Variants in TEP1 observed in about 807,000 individuals in gnomAD.
TEP1 encodes the protein telomerase protein component 1.
Under a neutral mutation model 306.3 loss-of-function variants are expected in TEP1, and 241 were observed. The ratio of observed to expected loss-of-function variants is 0.79; its 90% confidence interval spans 0.71 to 0.88. The LOEUF (loss-of-function observed/expected upper bound fraction) is 0.88. Among genes scored for constraint, TEP1 ranks in the 40% least tolerant of loss-of-function variants. TEP1 has a pLI of 0.00. For synonymous variants in TEP1, 1,289 were observed against 1,305.5 expected, an observed-to-expected ratio of 0.99 and a Z score of 0.27; for missense variants, 3,051 against 3,276.1, an observed-to-expected ratio of 0.93 and a Z score of 1.68.
Position 20,381,894 on chromosome 14 carries a change from T to G in TEP1, c.4424+19A>C. Reference sequence around the variant, plus strand: ...AAGGCACAGAGAGGTCAGCGGGAGCTCTGCTGGGGCACCTGTACCTGCGCA... The same window carrying G: ...AAGGCACAGAGAGGTCAGCGGGAGCGCTGCTGGGGCACCTGTACCTGCGCA... On this transcript the variant is annotated intron_variant, in intron 30 of 54. Coordinates refer to ENST00000262715, the MANE Select transcript of TEP1 (RefSeq NM_007110.5). The surrounding 1 kb of genome is among the most constrained non-coding windows in gnomAD (Gnocchi z 4.0). The G allele has an allele frequency of 6.2e-7, 1 of 1,612,772 alleles. No homozygotes were observed.
intron 1 of TEP1, among the ~76,000 whole-genome samples, chr14:20,408,865 G>A (rs961611976): frequency 2.0e-5 from 3 of 151,372 alleles, no homozygotes; most frequent in Non-Finnish European, 2.9e-5. Context: ...AATGGCTGGA[G>A]AGGAAGGGAC....
intron 1 of TEP1, among the ~76,000 whole-genome samples, chr14:20,411,653 T>A (rs1594384827): frequency 1.3e-5 from 2 of 151,752 alleles, no homozygotes; most frequent in East Asian, 3.9e-4. Context: ...CTTTTGAGAA[T>A]CTGGTAAAAG....
At chr14:20,389,529 T>G in intron 16 of TEP1, 81 bp downstream of exon 16, 1 of 1,569,880 alleles carries the variant, frequency 6.4e-7, no homozygotes, top group Non-Finnish European at 8.7e-7. Flanking sequence ...CAAGTGGGAG[T>G]GTCCTATGCT....
At chr14:20,392,899 G>GAAAAGA (rs1475555968) in intron 12 of TEP1, among the ~76,000 whole-genome samples, 6 of 152,006 alleles carry the variant, frequency 3.9e-5, no homozygotes, top group African/African-American at 1.4e-4. Flanking sequence ...ATCTTCAAAA[G>GAAAAGA]AAAAGAAAAA....
At chr14:20,369,034 G>A (rs1322680047) in intron 53 of TEP1, 132 bp from the exon 54 acceptor site, 1 of 694,412 alleles carries the variant, frequency 1.4e-6, no homozygotes, top group African/African-American at 1.8e-5. Context: ...TGAGACAAGA[G>A]TCTCGCTCTG....
rs1876575231 is a variant in TEP1, at chr14:20,381,875, C to T, written c.4424+38G>A. The T allele has an allele frequency of 1.9e-6, 3 of 1,608,736 alleles. No homozygotes were observed. Among genetic ancestry groups the T allele is most frequent in the African/African-American group, 2.7e-5 (2 of 74,950 alleles). On this transcript the variant is annotated intron_variant, in intron 30 of 54. Transcript: ENST00000262715. The surrounding 1 kb of genome is among the most constrained non-coding windows in gnomAD (Gnocchi z 4.0). ...GCCCCGGCTCAAAGAAGGGAAGGCA[C>T]AGAGAGGTCAGCGGGAGCTCTGCTG...
rs758583554 is a variant in TEP1 at position 20,381,725 on chromosome 14, G to A, written c.4425-39C>T. Reference sequence around the variant, plus strand: ...AGGAAGGGAGAGAGAAGAAGGAAGAGGCCTGTCAGTGAGCTTCCTGGCACA... The same window carrying A: ...AGGAAGGGAGAGAGAAGAAGGAAGAAGCCTGTCAGTGAGCTTCCTGGCACA... On this transcript the variant is annotated intron_variant, in intron 30 of 54. Transcript: ENST00000262715. This position sits in a 1 kb window ranked among gnomAD's most constrained non-coding sequence, Gnocchi z 4.0. The A allele has an allele frequency of 1.4e-5, 21 of 1,555,542 alleles. No homozygotes were observed. Among genetic ancestry groups the A allele is most frequent in the Middle Eastern group, 3.4e-4 (2 of 5,820 alleles).
intron 12 of TEP1, among the ~76,000 whole-genome samples, chr14:20,392,989 C>T (rs534208856): frequency 2.9e-5 from 4 of 136,684 alleles, no homozygotes; most frequent in Non-Finnish European, 6.8e-5. Context: ...GAGGCCGAGG[C>T]GGGCAGATCA....
chr14:20,412,527 G>A (rs1054248886), intron 1 of TEP1, among the ~76,000 whole-genome samples: 2 of 152,122 alleles, frequency 1.3e-5, no homozygotes, highest in Non-Finnish European at 2.9e-5. Context: ...CAGTTTCACA[G>A]TTTCTATGCA....
At chr14:20,396,121 T>C (rs936218787) in intron 10 of TEP1, among the ~76,000 whole-genome samples, 172 bp from the exon 11 acceptor site, 3 of 152,082 alleles carry the variant, frequency 2.0e-5, no homozygotes, top group African/African-American at 7.2e-5. Context: ...TTTTAGGATG[T>C]GAGAAAAGGT....
chr14:20,381,121 A>G lies in TEP1; in HGVS notation c.4648-76T>C. On this transcript the variant is annotated intron_variant, in intron 32 of 54. Coordinates refer to ENST00000262715, the MANE Select transcript of TEP1 (RefSeq NM_007110.5). This position sits in a 1 kb window ranked among gnomAD's most constrained non-coding sequence, Gnocchi z 4.0. Reference sequence around the variant, plus strand: ...GGGACAGTTTAGTCTCAGAACCTGGATACAGAGATAGGATCTGAGCTGGGA... The same window carrying G: ...GGGACAGTTTAGTCTCAGAACCTGGGTACAGAGATAGGATCTGAGCTGGGA... 3.1e-6 allele frequency: 4 copies of G among 1,295,452 alleles called. No individual in the cohort carries two copies. Among genetic ancestry groups the G allele is most frequent in the Non-Finnish European group, 4.5e-6 (4 of 892,390 alleles). The allele number at this position is 1,295,452 out of a possible 1,614,324, so 80.2% of individuals were successfully genotyped here. A position where few individuals can be genotyped will look rare whatever the true frequency, so the allele number is the denominator to read the frequency against.
At chr14:20,378,637 C>T in intron 37 of TEP1, 102 bp from the exon 38 acceptor site, 1 of 1,584,268 alleles carries the variant, frequency 6.3e-7, no homozygotes, top group Non-Finnish European at 8.7e-7. Context: ...CTGCCCTCAG[C>T]AGGGAAGGCC....
chr14:20,378,744 C>T lies in TEP1; in HGVS notation c.5352+10G>A. On this transcript the variant is annotated intron_variant, in intron 37 of 54. Coordinates refer to ENST00000262715, the MANE Select transcript of TEP1 (RefSeq NM_007110.5). ...GGGCCACTCTGACCACTGCAGACCC[C>T]AAGTCTTACCTTTAGGCATCCTCCC... The T allele has an allele frequency of 6.2e-7, 1 of 1,613,794 alleles. No individual in the cohort carries two copies. Among genetic ancestry groups the T allele is most frequent in the Non-Finnish European group, 8.5e-7 (1 of 1,179,784 alleles).
At chr14:20,399,794 T>G (rs1335199005) in intron 9 of TEP1, among the ~76,000 whole-genome samples, 1 of 152,008 alleles carries the variant, frequency 6.6e-6, no homozygotes, top group African/African-American at 2.4e-5. Context: ...AAAGAATAAA[T>G]TTACATGTCC....
intron 13 of TEP1, 97 bp downstream of exon 13, chr14:20,391,502 T>C (rs1877716154): frequency 3.6e-6 from 5 of 1,381,742 alleles, no homozygotes; most frequent in South Asian, 1.4e-5. Flanking sequence ...AGTCTGAGTG[T>C]TTGCCTGGGA....
rs372514241 is a variant in TEP1, at chr14:20,384,227, C to T, written c.3345G>A (p.Gly1115=). The T allele has an allele frequency of 1.1e-4, 182 of 1,613,482 alleles. No individual in the cohort carries two copies. Among genetic ancestry groups the T allele is most frequent in the Non-Finnish European group, 1.5e-4 (173 of 1,179,744 alleles). Residue 1115 remains glycine (G), a synonymous_variant, in exon 24 of 55, where the codon GGG becomes GGA. Coordinates refer to ENST00000262715, the MANE Select transcript of TEP1 (RefSeq NM_007110.5). ...TGGACACTGGCTGCTCCAGCAGGGC[C>T]CCAGGCTGAGGGTAAATGGGTCAGT... ...NMIQKLYLQP[G]ALLEQPVSIP...
At chr14:20,407,345 T>C (rs1310779882) in intron 2 of TEP1, among the ~76,000 whole-genome samples, 1 of 152,166 alleles carries the variant, frequency 6.6e-6, no homozygotes, top group Non-Finnish European at 1.5e-5. Flanking sequence ...AGGGACTGTT[T>C]TTTGTTGTGT....
chr14:20,403,487 T>C, intron 6 of TEP1, 39 bp from the exon 7 acceptor site: 1 of 1,613,020 alleles, frequency 6.2e-7, no homozygotes, highest in Non-Finnish European at 8.5e-7. Context: ...AAAAGGGAAC[T>C]GGCTGTCCTT....
In TEP1 at chr14:20,373,307, A is replaced by G. The variant is rs1884967757; in HGVS notation, c.6777T>C (p.Asp2259=). The G allele has an allele frequency of 2.5e-6, 4 of 1,614,000 alleles. No individual in the cohort carries two copies. Among genetic ancestry groups the G allele is most frequent in the African/African-American group, 1.3e-5 (1 of 74,904 alleles). ...GAACCTGCCAGAGCCGTACAGAACC[A>G]TCCTCAGAGGCGGTCAGCATGAGGC... The part of the protein sequence containing the change: ...TSGLMLTASE[D]GSVRLWQVPK... The change falls in exon 47 of 55, where the codon GAT becomes GAC. Residue 2259 remains aspartate (D), a synonymous_variant. Coordinates refer to ENST00000262715, the MANE Select transcript of TEP1 (RefSeq NM_007110.5).
Sources: gnomAD v4.1 joint callset for allele counts (sites outside exome capture counted in the v4.1 genomes callset) on GRCh38, gnomAD v4.1.1 for gene constraint, Gnocchi (gnomAD v3.1) non-coding constraint, MANE v1.5 for transcripts, NCBI Gene and HGNC (gene_info 2026-07-23, HGNC 2026-07-21) for gene names.